CC2D2B: variants seen among roughly 807,000 people sequenced by gnomAD.
CC2D2B encodes coiled-coil and C2 domain containing 2B.
A neutral mutation model predicts 161.2 loss-of-function variants in CC2D2B; 128 were observed. That is an observed-to-expected ratio of 0.79 (90% CI 0.69 to 0.92). The LOEUF is 0.92. CC2D2B is among the 40% of genes least tolerant of loss of function. CC2D2B has a pLI of 0.00. For missense variants in CC2D2B, 1,173 were observed against 1,375.1 expected, an observed-to-expected ratio of 0.85 and a Z score of 2.32; for synonymous variants, 391 against 449.8, an observed-to-expected ratio of 0.87 and a Z score of 1.65.
chr10:95,972,710 C>T (rs1410981975), intron 16 of CC2D2B, among the ~76,000 whole-genome samples: 1 of 152,174 alleles, frequency 6.6e-6, no homozygotes, highest in Non-Finnish European at 1.5e-5. Flanking sequence ...TGGGAAATTT[C>T]AAATGAGCAG....
chr10:96,030,538 A>G (rs2080021945), intron 34 of CC2D2B, among the ~76,000 whole-genome samples: 1 of 152,144 alleles, frequency 6.6e-6, no homozygotes, highest in African/African-American at 2.4e-5. Flanking sequence ...GGAGGGATCT[A>G]CAGGCACTAT....
chr10:95,912,535 C>G (rs891258150), intron 2 of CC2D2B, among the ~76,000 whole-genome samples: 1 of 152,010 alleles, frequency 6.6e-6, no homozygotes, highest in Non-Finnish European at 1.5e-5. Context: ...TTGAAGGATA[C>G]AGAAATAAGT....
intron 3 of CC2D2B, 122 bp downstream of exon 3, chr10:95,922,198 A>G: frequency 2.0e-6 from 1 of 500,182 alleles, no homozygotes; most frequent in Non-Finnish European, 3.5e-6. Flanking sequence ...CAGTTTAAAG[A>G]GAAATTAAAC....
Position 96,015,220 on chromosome 10 carries a change from A to T in CC2D2B, c.3517-981A>T, listed in dbSNP as rs553834329. ...GCTGGAATTACAGGCACGCACCACC[A>T]GGCCCAGCTAATTTTTTTTTTTTTT... On this transcript the variant is annotated intron_variant, in intron 29 of 34. Transcript: ENST00000646931. Among the ~76,000 whole-genome samples, 6 of 135,308 alleles carry T rather than the reference A, an allele frequency of 4.4e-5. No homozygotes were observed. In the South Asian group the frequency reaches 1.2e-3, roughly 27 times the overall value. The allele number at this position is 135,308 out of a possible 152,430, so 88.8% of individuals were successfully genotyped here.
intron 30 of CC2D2B, among the ~76,000 whole-genome samples, chr10:96,016,599 G>A (rs918948937): frequency 1.3e-5 from 2 of 152,212 alleles, no homozygotes; most frequent in African/African-American, 4.8e-5. Flanking sequence ...TTAAGTGACT[G>A]AGAGCAGCAC....
rs2077613651 is a variant in CC2D2B at position 95,983,611 on chromosome 10, G to C, written c.2088G>C (p.Met696Ile). The change falls in exon 19 of 35, where the codon ATG becomes ATC. Residue 696 changes from methionine (M) to isoleucine (I), a missense_variant. By Grantham distance (10) the Met-to-Ile change is conservative. Coordinates refer to ENST00000646931, the MANE Select transcript of CC2D2B (RefSeq NM_001349008.3). ...YSDLMESVTY[M>I]RLKGQDIPKY... ...AAAGACTTTGCGTTTTACAGTACAT[G>C]AGACTTAAGGGGCAGGATATTCCAA... 2.4e-6 allele frequency: 3 copies of C among 1,228,110 alleles called. No individual in the cohort carries two copies. The Admixed American group carries it at 1.3e-4, about 52-fold the overall frequency. 76.1% of individuals were successfully genotyped at this position (1,228,110 alleles called of 1,614,324 possible).
Position 95,976,366 on chromosome 10 carries a change from A to G in CC2D2B, c.1943+2210A>G, listed in dbSNP as rs563321851. 3.3e-5 allele frequency among the ~76,000 whole-genome samples: 5 copies of G among 152,144 alleles called. No individual in the cohort carries two copies. The East Asian group carries it at 9.6e-4, about 29-fold the overall frequency. On this transcript the variant is annotated intron_variant, in intron 17 of 34. Transcript: ENST00000646931. ...TTGTCTCCGTTGTCTTACAATTCCTATTACTTGGAAACTCAAGCTTACAAA... is the reference window on the plus strand; with the variant it reads ...TTGTCTCCGTTGTCTTACAATTCCTGTTACTTGGAAACTCAAGCTTACAAA...
At chr10:95,924,599 T>G (rs567723353) in intron 4 of CC2D2B, among the ~76,000 whole-genome samples, 180 bp from the exon 5 acceptor site, 1 of 152,216 alleles carries the variant, frequency 6.6e-6, no homozygotes, top group South Asian at 2.1e-4. Context: ...AAGAGCTAGG[T>G]GATTTGGTCA....
chr10:96,024,643 C>A (rs74438203), intron 32 of CC2D2B, among the ~76,000 whole-genome samples: 4,216 of 152,182 alleles, frequency 0.028, 95 homozygotes, highest in African/African-American at 0.054. Flanking sequence ...GAAAATATAT[C>A]TTTTGTAAAC....
chr10:95,952,039 G>C (rs2076418709), intron 10 of CC2D2B, among the ~76,000 whole-genome samples: 1 of 152,100 alleles, frequency 6.6e-6, no homozygotes, highest in Admixed American at 6.6e-5. Flanking sequence ...AAAAGGCCAG[G>C]TGGTGCAGAG....
intron 16 of CC2D2B, 78 bp downstream of exon 16, chr10:95,972,294 C>T (rs2077163103): frequency 1.1e-6 from 1 of 884,940 alleles, no homozygotes; most frequent in East Asian, 3.3e-5. Flanking sequence ...GGCTCACTCA[C>T]ATAAGTACAA....
At chr10:96,006,831 A>C (rs1035061142) in intron 25 of CC2D2B, among the ~76,000 whole-genome samples, 1 of 152,072 alleles carries the variant, frequency 6.6e-6, no homozygotes, top group Non-Finnish European at 1.5e-5. Context: ...TTCAACTTAC[A>C]CCAGGATATG....
intron 33 of CC2D2B, among the ~76,000 whole-genome samples, chr10:96,026,388 T>C (rs552548826): frequency 2.8e-4 from 43 of 152,144 alleles, no homozygotes; most frequent in Non-Finnish European, 5.6e-4. Context: ...TACATTCAAA[T>C]AGGGGGAAGC....
chr10:95,916,512 A>G (rs2098516655), intron 2 of CC2D2B, among the ~76,000 whole-genome samples: 1 of 151,876 alleles, frequency 6.6e-6, no homozygotes, highest in South Asian at 2.1e-4. Flanking sequence ...TTTCTTTTAA[A>G]AAATTTTTTG....
Position 95,972,085 on chromosome 10 carries a change from G to A in CC2D2B, c.1664G>A (p.Arg555Lys). The A allele has an allele frequency of 8.1e-7, 1 of 1,229,642 alleles. No individual in the cohort carries two copies. The highest frequency in any genetic ancestry group is 3.2e-5 in the East Asian group (1 of 31,668). The allele number at this position is 1,229,642 out of a possible 1,614,324, so 76.2% of individuals were successfully genotyped here. Reference protein sequence around the residue: ...ICLEVYEKSKRTSLLAKLYIP... With the variant: ...ICLEVYEKSKKTSLLAKLYIP... ...ATTTAGGTTTATGAAAAAAGTAAAA[G>A]GACAAGCTTACTGGCAAAACTATAT... Residue 555 changes from arginine to lysine, a missense_variant, in exon 16 of 35, where the codon AGG (arginine) becomes AAG (lysine). Transcript: ENST00000646931.
intron 11 of CC2D2B, among the ~76,000 whole-genome samples, chr10:95,957,686 G>A (rs1260012883): frequency 6.8e-6 from 1 of 147,618 alleles, no homozygotes; most frequent in African/African-American, 2.5e-5. Flanking sequence ...TCAGCCTCCT[G>A]AGTAGCTGGG....
intron 10 of CC2D2B, chr10:95,952,544 T>G (rs1389788581): frequency 6.6e-6 from 1 of 152,110 alleles, no homozygotes. Flanking sequence ...TATGTATTAT[T>G]TGGCAACTTG....
intron 29 of CC2D2B, among the ~76,000 whole-genome samples, chr10:96,015,648 A>T (rs1381347682): frequency 6.6e-6 from 1 of 151,598 alleles, no homozygotes; most frequent in Non-Finnish European, 1.5e-5. Flanking sequence ...TTTACTGGGC[A>T]CTCTCTATTT....
chr10:96,020,911 C>T (rs1374594639), intron 32 of CC2D2B: 1 of 152,144 alleles, frequency 6.6e-6, no homozygotes, highest in Non-Finnish European at 1.5e-5. Flanking sequence ...TGATGATGCG[C>T]AAGTGTAGTC....
Sources: allele counts gnomAD v4.1 joint callset (sites outside exome capture counted in the v4.1 genomes callset), GRCh38; gene constraint gnomAD v4.1.1; transcripts MANE v1.5; gene names NCBI Gene and HGNC (gene_info 2026-07-23, HGNC 2026-07-21).